SPRR2G: variants seen among roughly 807,000 people sequenced by gnomAD.
SPRR2G encodes the protein small proline-rich protein 2G.
A neutral mutation model predicts 0.7 loss-of-function variants in SPRR2G; 1 was observed. The ratio of observed to expected loss-of-function variants is 1.49; its 90% CI spans 0.53 to 7.06. SPRR2G has a LOEUF of 7.06. SPRR2G is among the 30% of genes most tolerant of loss of function. The probability of loss-of-function intolerance (pLI) is 0.14; values close to 1 mark genes in which losing one functional copy is unlikely to be tolerated. For missense variants in SPRR2G, 96 were observed against 88.5 expected, an observed-to-expected ratio of 1.09 and a Z score of -0.34; for synonymous variants, 38 against 33.9, an observed-to-expected ratio of 1.12 and a Z score of -0.42.
At chr1:153,173,791 G>GA in the SPRR2G span, among the ~76,000 whole-genome samples, 1 of 152,106 alleles carries the variant, frequency 6.6e-6, no homozygotes, top group Non-Finnish European at 1.5e-5. Context: ...CATGGGGTTG[G>GA]AGGTGGCAAG....
upstream of SPRR2G, among the ~76,000 whole-genome samples, chr1:153,151,595 A>G (rs1243289783): frequency 6.6e-6 from 1 of 152,198 alleles, no homozygotes; most frequent in Non-Finnish European, 1.5e-5. Flanking sequence ...CCTTGTAACT[A>G]TGAGTGACTT....
chr1:153,170,625 G>T, the SPRR2G span, among the ~76,000 whole-genome samples: 2 of 152,142 alleles, frequency 1.3e-5, no homozygotes, highest in African/African-American at 2.4e-5. Context: ...GGTGGAAGAA[G>T]GGCTTGATAG....
chr1:153,196,226 C>A, the SPRR2G span, among the ~76,000 whole-genome samples: 1 of 152,166 alleles, frequency 6.6e-6, no homozygotes, highest in Non-Finnish European at 1.5e-5. Flanking sequence ...ATTTCATCCT[C>A]CCCCTGTCCC....
the SPRR2G span, among the ~76,000 whole-genome samples, chr1:153,166,940 C>T: frequency 4.6e-5 from 7 of 151,906 alleles, no homozygotes; most frequent in Admixed American, 3.9e-4. Context: ...AAAAAAAAAT[C>T]CACTTGAAAA....
chr1:153,160,890 A>G, the SPRR2G span, among the ~76,000 whole-genome samples: 4 of 151,592 alleles, frequency 2.6e-5, no homozygotes, highest in Non-Finnish European at 5.9e-5. Context: ...GCACATATAC[A>G]CCATGGAATA....
the SPRR2G span, chr1:153,190,843 T>G: frequency 6.6e-6 from 1 of 152,200 alleles, no homozygotes; most frequent in Non-Finnish European, 1.5e-5. Flanking sequence ...TCCTCTGGAC[T>G]TTGAACCTAT....
the SPRR2G span, among the ~76,000 whole-genome samples, chr1:153,200,656 G>A: frequency 9.2e-5 from 14 of 151,750 alleles, no homozygotes; most frequent in African/African-American, 3.4e-4. Context: ...GGATGGCTAA[G>A]TAAATTACTA....
chr1:153,190,552 G>T, the SPRR2G span: 1 of 152,152 alleles, frequency 6.6e-6, no homozygotes, highest in Non-Finnish European at 1.5e-5. Context: ...TATTTCCACC[G>T]GCTACCTTCT....
the SPRR2G span, among the ~76,000 whole-genome samples, chr1:153,202,663 T>G: frequency 1.3e-5 from 2 of 152,170 alleles, no homozygotes; most frequent in Non-Finnish European, 2.9e-5. Flanking sequence ...TTTAAAACAG[T>G]CTCATTCGAC....
upstream of SPRR2G, among the ~76,000 whole-genome samples, chr1:153,152,179 T>A (rs1165971874): frequency 1.3e-5 from 2 of 152,158 alleles, no homozygotes; most frequent in Non-Finnish European, 2.9e-5. Flanking sequence ...ATAAGAATAA[T>A]AACTAATCAT....
the SPRR2G span, among the ~76,000 whole-genome samples, chr1:153,165,721 T>A: frequency 3.4e-5 from 5 of 147,576 alleles, no homozygotes; most frequent in Non-Finnish European, 4.4e-5. Context: ...AAATAATATA[T>A]AATAAAGTCC....
chr1:153,157,940 C>T, the SPRR2G span, among the ~76,000 whole-genome samples: 2 of 151,752 alleles, frequency 1.3e-5, no homozygotes, highest in African/African-American at 2.4e-5. Context: ...AGGGGGGCTG[C>T]CAAGCACTTT....
At chr1:153,164,470 T>G in the SPRR2G span, among the ~76,000 whole-genome samples, 1 of 152,154 alleles carries the variant, frequency 6.6e-6, no homozygotes, top group Non-Finnish European at 1.5e-5. Context: ...GAGAAGGAAG[T>G]AAGTGGCTCT....
At chr1:153,195,008 G>T in the SPRR2G span, among the ~76,000 whole-genome samples, 1 of 152,080 alleles carries the variant, frequency 6.6e-6, no homozygotes, top group Non-Finnish European at 1.5e-5. Context: ...CCTGTTTTTT[G>T]CAGTGTATCA....
chr1:153,183,836 G>T, the SPRR2G span, among the ~76,000 whole-genome samples: 1 of 152,044 alleles, frequency 6.6e-6, no homozygotes, highest in Non-Finnish European at 1.5e-5. Context: ...TTTCTTCTAG[G>T]GTTTTTATGG....
At chr1:153,191,440 G>C in the SPRR2G span, 1 of 152,056 alleles carries the variant, frequency 6.6e-6, no homozygotes, top group African/African-American at 2.4e-5. Flanking sequence ...AGATTATTAA[G>C]GACCCTAAGT....
chr1:153,195,598 G>A, the SPRR2G span, among the ~76,000 whole-genome samples: 15 of 152,154 alleles, frequency 9.9e-5, no homozygotes, highest in Non-Finnish European at 1.8e-4. Flanking sequence ...AAGGATGATC[G>A]AAATTCTAAG....
upstream of SPRR2G, among the ~76,000 whole-genome samples, chr1:153,155,369 G>A (rs552145363): frequency 5.0e-4 from 76 of 152,028 alleles, no homozygotes; most frequent in African/African-American, 1.6e-3. Flanking sequence ...TGACATTTTC[G>A]CCTCTACTAC....
At chr1:153,178,915 A>G in the SPRR2G span, among the ~76,000 whole-genome samples, 1,639 of 152,268 alleles carry the variant, frequency 0.011, 24 homozygotes, top group African/African-American at 0.036. Flanking sequence ...GGCATTCTAT[A>G]TGGGAAGGTT....
Sources: allele counts gnomAD v4.1 joint callset (sites outside exome capture counted in the v4.1 genomes callset), GRCh38; gene constraint gnomAD v4.1.1; transcripts MANE v1.5; gene names NCBI Gene and HGNC (gene_info 2026-07-23, HGNC 2026-07-21).